IMMP2L: variants seen among roughly 807,000 people sequenced by gnomAD.
The protein encoded by IMMP2L is mitochondrial inner membrane protease subunit 2.
Under a neutral mutation model 19.3 loss-of-function variants are expected in IMMP2L, and 18 were observed. The observed-to-expected ratio is 0.93, with a 90% CI of 0.64 to 1.38. The LOEUF (loss-of-function observed/expected upper bound fraction) is 1.38. Among genes scored for constraint, IMMP2L ranks in the 40% most tolerant of loss-of-function variants. IMMP2L has a pLI of 0.00. For missense variants in IMMP2L, 233 were observed against 218.2 expected (o/e 1.07, Z -0.43); for synonymous variants, 76 against 73.0 (o/e 1.04, Z -0.21).
At chr7:110,777,803 T>C (rs897525572) in intron 5 of IMMP2L, among the ~76,000 whole-genome samples, 2 of 151,954 alleles carry the variant, frequency 1.3e-5, no homozygotes, top group Non-Finnish European at 2.9e-5. Context: ...AAAAAAGATA[T>C]AGTTTGGTGG....
intron 5 of IMMP2L, among the ~76,000 whole-genome samples, chr7:110,695,648 G>A (rs903123768): frequency 3.9e-5 from 6 of 152,242 alleles, no homozygotes; most frequent in East Asian, 1.9e-4. Flanking sequence ...AGGAGGGAGC[G>A]GCAGTCCCTG....
At chr7:111,224,408 A>AAC (rs1452579728) in intron 3 of IMMP2L, among the ~76,000 whole-genome samples, 14 of 152,136 alleles carry the variant, frequency 9.2e-5, no homozygotes, top group Non-Finnish European at 2.1e-4. Context: ...TGAAAATATA[A>AAC]ACACCTGCTA....
At chr7:111,241,368 T>C (rs1042425212) in intron 3 of IMMP2L, among the ~76,000 whole-genome samples, 1 of 152,010 alleles carries the variant, frequency 6.6e-6, no homozygotes, top group South Asian at 2.1e-4. Context: ...TGATTTGCTT[T>C]GTAAAAATTT....
At chr7:110,886,282 A>G (rs980755118) in intron 5 of IMMP2L, among the ~76,000 whole-genome samples, 6 of 152,066 alleles carry the variant, frequency 3.9e-5, no homozygotes, top group Non-Finnish European at 7.4e-5. Flanking sequence ...TAAGCTACAA[A>G]GTATTCCCGT....
chr7:110,912,320 T>C (rs1217397329), intron 4 of IMMP2L, among the ~76,000 whole-genome samples: 2 of 152,092 alleles, frequency 1.3e-5, no homozygotes, highest in East Asian at 1.9e-4. Context: ...CCTTAGAGCA[T>C]ACAGCCAAAA....
Position 111,281,290 on chromosome 7 carries a change from AGAAG to A in IMMP2L, c.239+205944_239+205947del, listed in dbSNP as rs753683744. On this transcript the variant is annotated intron_variant, in intron 3 of 5. Transcript: ENST00000405709. ...GAGAGAAAGAAAGAGAAGGAAAGAA[AGAAG>A]GAAGGAAGGAAGGAAAGAAAGAAAG... Among the ~76,000 whole-genome samples, 242 of 151,910 alleles carry A rather than the reference AGAAG, an allele frequency of 1.6e-3. 3 individuals carry two copies. The highest frequency in any genetic ancestry group is 2.8e-3 in the Non-Finnish European group (192 of 67,894).
chr7:110,938,757 T>A (rs552385982), intron 4 of IMMP2L, among the ~76,000 whole-genome samples: 2 of 152,134 alleles, frequency 1.3e-5, no homozygotes, highest in Admixed American at 6.6e-5. Context: ...ATAGTTGCTC[T>A]TTTTTTAATG....
chr7:111,195,374 G>A (rs941923043), intron 3 of IMMP2L, among the ~76,000 whole-genome samples: 1 of 151,828 alleles, frequency 6.6e-6, no homozygotes, highest in Admixed American at 6.6e-5. Context: ...CAAACTGGAC[G>A]GACATTATCA....
chr7:110,902,395 TA>T (rs67908692), intron 4 of IMMP2L, among the ~76,000 whole-genome samples: 70,447 of 147,596 alleles, frequency 0.48, 17,595 homozygotes, highest in East Asian at 0.8. Context: ...CATACTCCTT[TA>T]AAAAAAAAAG....
chr7:111,350,011 A>C (rs930518558), intron 3 of IMMP2L, among the ~76,000 whole-genome samples: 1 of 149,776 alleles, frequency 6.7e-6, no homozygotes, highest in African/African-American at 2.5e-5. Context: ...CTTATTGCCT[A>C]GACTGGAGTG....
At chr7:110,828,915 C>T (rs1311420074) in intron 5 of IMMP2L, among the ~76,000 whole-genome samples, 1 of 152,144 alleles carries the variant, frequency 6.6e-6, no homozygotes, top group Non-Finnish European at 1.5e-5. Flanking sequence ...ATTTCTGAAT[C>T]CTCAACTATA....
intron 3 of IMMP2L, among the ~76,000 whole-genome samples, chr7:111,157,395 T>TA (rs1313815190): frequency 6.6e-6 from 1 of 152,094 alleles, no homozygotes; most frequent in Non-Finnish European, 1.5e-5. Context: ...TCTTCAGCCA[T>TA]AAAAAATAAT....
At chr7:111,442,052 G>A (rs376934490) in intron 3 of IMMP2L, among the ~76,000 whole-genome samples, 2 of 151,620 alleles carry the variant, frequency 1.3e-5, no homozygotes, top group Admixed American at 6.6e-5. Flanking sequence ...CAAGAGAATC[G>A]CTTGAACCCA....
intron 5 of IMMP2L, among the ~76,000 whole-genome samples, chr7:110,677,403 A>AT (rs1792391266): frequency 6.6e-6 from 1 of 152,166 alleles, no homozygotes. Flanking sequence ...CCATATTTGA[A>AT]TTTTTTCACC....
At chr7:111,181,765 T>C (rs1027530728) in intron 3 of IMMP2L, among the ~76,000 whole-genome samples, 5 of 152,006 alleles carry the variant, frequency 3.3e-5, no homozygotes, top group Non-Finnish European at 7.4e-5. Context: ...GTAACTATTT[T>C]CAACGGCATG....
intron 3 of IMMP2L, among the ~76,000 whole-genome samples, chr7:111,462,473 A>C (rs533985355): frequency 1.3e-5 from 2 of 152,296 alleles, no homozygotes; most frequent in South Asian, 4.1e-4. Context: ...GGATATTAAA[A>C]CTTGGAAAAT....
chr7:111,003,983 T>C (rs1824013315), intron 3 of IMMP2L, among the ~76,000 whole-genome samples: 1 of 152,200 alleles, frequency 6.6e-6, no homozygotes, highest in South Asian at 2.1e-4. Context: ...ATAAGTTTTA[T>C]AAAGAAAGCA....
chr7:110,787,205 A>C (rs941820979), intron 5 of IMMP2L, among the ~76,000 whole-genome samples: 1 of 152,020 alleles, frequency 6.6e-6, no homozygotes, highest in Non-Finnish European at 1.5e-5. Flanking sequence ...CCCAACCCTT[A>C]ATTCATAATG....
chr7:111,253,331 G>A (rs1353400425), intron 3 of IMMP2L, among the ~76,000 whole-genome samples: 2 of 152,140 alleles, frequency 1.3e-5, no homozygotes, highest in Non-Finnish European at 2.9e-5. Flanking sequence ...CAGAGCAAAA[G>A]ACAGTAGCTG....
Sources: allele counts gnomAD v4.1 joint callset (sites outside exome capture counted in the v4.1 genomes callset), GRCh38; gene constraint gnomAD v4.1.1; transcripts MANE v1.5; gene names NCBI Gene and HGNC (gene_info 2026-07-23, HGNC 2026-07-21).